MDFIC2: variants seen among roughly 807,000 people sequenced by gnomAD.
MDFIC2 encodes the protein myoD family inhibitor domain-containing protein 2.
rs370797801 is a variant in MDFIC2 at position 70,303,384 on chromosome 3, C to T, written c.88+8502G>A. Among the ~76,000 whole-genome samples the T allele has an allele frequency of 1.5e-3, 222 of 152,170 alleles. 3 individuals are homozygous for T. The highest frequency in any genetic ancestry group is 5.2e-3 in the African/African-American group (216 of 41,528). Reference sequence around the variant, plus strand: ...TGAGCTTTCTTCCTTGGGACTTGGACTCTTAAGGAGGAGAATAGGAGGAAA... The same window carrying T: ...TGAGCTTTCTTCCTTGGGACTTGGATTCTTAAGGAGGAGAATAGGAGGAAA... On this transcript the variant is annotated intron_variant, in intron 2 of 3. Coordinates refer to ENST00000567252, the MANE Select transcript of MDFIC2 (RefSeq NM_001364677.1).
At chr3:70,232,491 C>T (rs774622051) in intron 2 of MDFIC2, among the ~76,000 whole-genome samples, 1 of 151,876 alleles carries the variant, frequency 6.6e-6, no homozygotes, top group Non-Finnish European at 1.5e-5. Flanking sequence ...CCTCCGACTC[C>T]CGGGTTCAAG....
chr3:70,242,689 G>T (rs1407090727), intron 2 of MDFIC2, among the ~76,000 whole-genome samples: 2 of 152,164 alleles, frequency 1.3e-5, no homozygotes, highest in Non-Finnish European at 2.9e-5. Context: ...ATCTATCGAA[G>T]ATAGCAACTT....
At chr3:70,210,204 A>AT (rs1467632783) in intron 2 of MDFIC2, among the ~76,000 whole-genome samples, 1 of 152,154 alleles carries the variant, frequency 6.6e-6, no homozygotes, top group African/African-American at 2.4e-5. Flanking sequence ...TAAGTATAGC[A>AT]TTTTGAATGT....
intron 2 of MDFIC2, among the ~76,000 whole-genome samples, chr3:70,295,384 A>T (rs1333087316): frequency 6.6e-6 from 1 of 152,114 alleles, no homozygotes; most frequent in African/African-American, 2.4e-5. Context: ...CAACCCTTTG[A>T]CTGAATTATT....
intron 2 of MDFIC2, among the ~76,000 whole-genome samples, chr3:70,216,100 G>A (rs2106733045): frequency 6.6e-6 from 1 of 151,838 alleles, no homozygotes; most frequent in East Asian, 1.9e-4. Context: ...TCACAAAAAT[G>A]TAAATATCTG....
At chr3:70,300,911 T>TA (rs775284707) in intron 2 of MDFIC2, among the ~76,000 whole-genome samples, 1 of 151,864 alleles carries the variant, frequency 6.6e-6, no homozygotes, top group African/African-American at 2.4e-5. Flanking sequence ...TTGCTGTTTT[T>TA]AAAAAAAAGT....
Position 70,206,748 on chromosome 3 carries a change from A to G in MDFIC2, c.131T>C (p.Ile44Thr), listed in dbSNP as rs911425227. Residue 44 changes from isoleucine to threonine, a missense_variant, in exon 3 of 4, where the codon ATT (isoleucine) becomes ACT (threonine). Coordinates refer to ENST00000567252, the MANE Select transcript of MDFIC2 (RefSeq NM_001364677.1). ...TNAKHADEKP[I>T]NAIVINSVSD... The stretch of plus-strand genomic sequence containing the variant: ...TACTGAATTTATAACAATAGCATTA[A>G]TGGGTTTCTCATCTGCATGCTTTGC... The G allele has an allele frequency of 5.0e-6, 2 of 397,714 alleles. No homozygotes were observed. The highest frequency in any genetic ancestry group is 4.1e-5 in the African/African-American group (2 of 48,584). 24.6% of individuals were successfully genotyped at this position (397,714 alleles called of 1,614,324 possible). A position where few individuals can be genotyped will look rare whatever the true frequency, so the allele number is the denominator to read the frequency against.
At chr3:70,227,147 C>A (rs1221894170) in intron 2 of MDFIC2, among the ~76,000 whole-genome samples, 1 of 152,148 alleles carries the variant, frequency 6.6e-6, no homozygotes, top group Non-Finnish European at 1.5e-5. Context: ...CAGGTTAAAG[C>A]AGGACTACAA....
intron 2 of MDFIC2, among the ~76,000 whole-genome samples, chr3:70,211,318 C>T (rs1389047219): frequency 2.8e-5 from 3 of 106,376 alleles, no homozygotes; most frequent in Non-Finnish European, 5.7e-5. Flanking sequence ...TTTCCCTTCC[C>T]TTTCCTTCCT....
intron 2 of MDFIC2, among the ~76,000 whole-genome samples, chr3:70,246,230 T>A (rs1051272276): frequency 6.6e-6 from 1 of 152,038 alleles, no homozygotes; most frequent in Non-Finnish European, 1.5e-5. Context: ...GATATTTTTA[T>A]CTCCTTAGAA....
intron 2 of MDFIC2, among the ~76,000 whole-genome samples, chr3:70,234,720 A>G (rs903628730): frequency 6.6e-6 from 1 of 152,130 alleles, no homozygotes; most frequent in Non-Finnish European, 1.5e-5. Context: ...CTTTGCAGCA[A>G]TTTGAAATCT....
intron 3 of MDFIC2, among the ~76,000 whole-genome samples, chr3:70,197,994 T>C (rs1023845612): frequency 1.3e-5 from 2 of 152,206 alleles, no homozygotes; most frequent in East Asian, 1.9e-4. Flanking sequence ...TAGATTATTA[T>C]GTTTTTTGTT....
chr3:70,247,272 A>G (rs1323927438), intron 2 of MDFIC2, among the ~76,000 whole-genome samples: 1 of 151,914 alleles, frequency 6.6e-6, no homozygotes, highest in African/African-American at 2.4e-5. Context: ...GCAAGGTGAA[A>G]TTTGACACCT....
intron 2 of MDFIC2, among the ~76,000 whole-genome samples, chr3:70,308,194 G>A (rs570836476): frequency 7.8e-4 from 118 of 152,080 alleles, no homozygotes; most frequent in Middle Eastern, 3.4e-3. Flanking sequence ...GGGACTATAG[G>A]GGTATGCCAT....
chr3:70,298,013 A>G (rs982669055), intron 2 of MDFIC2, among the ~76,000 whole-genome samples: 3 of 152,118 alleles, frequency 2.0e-5, no homozygotes, highest in African/African-American at 7.2e-5. Flanking sequence ...AAATATAACA[A>G]GGAAAATCAG....
At chr3:70,213,732 C>G (rs558958708) in intron 2 of MDFIC2, among the ~76,000 whole-genome samples, 118 of 152,210 alleles carry the variant, frequency 7.8e-4, no homozygotes, top group African/African-American at 2.7e-3. Flanking sequence ...ATTATACTCT[C>G]TGCAGCTTGG....
chr3:70,283,973 T>A (rs1214630075), intron 2 of MDFIC2: 1 of 152,074 alleles, frequency 6.6e-6, no homozygotes, highest in Non-Finnish European at 1.5e-5. Flanking sequence ...TCTCTAGTTT[T>A]CCCACCACCC....
At chr3:70,215,335 T>C (rs1701398647) in intron 2 of MDFIC2, among the ~76,000 whole-genome samples, 2 of 152,116 alleles carry the variant, frequency 1.3e-5, no homozygotes, top group Admixed American at 1.3e-4. Context: ...ATTTCGAAAC[T>C]GCTTCAGAAA....
chr3:70,296,766 G>A (rs1382464392), intron 2 of MDFIC2, among the ~76,000 whole-genome samples: 6 of 151,930 alleles, frequency 3.9e-5, no homozygotes. Context: ...CTATAAGCCC[G>A]ACTATCAGCT....
Sources: gnomAD v4.1 joint callset for allele counts (sites outside exome capture counted in the v4.1 genomes callset) on GRCh38, gnomAD v4.1.1 for gene constraint, MANE v1.5 for transcripts, NCBI Gene and HGNC (gene_info 2026-07-23, HGNC 2026-07-21) for gene names.